The following PLCB3 variants were observed in gnomAD, a reference collection of about 807,000 sequenced individuals.
The protein encoded by PLCB3 is 1-phosphatidylinositol 4,5-bisphosphate phosphodiesterase beta-3.
A neutral mutation model predicts 152.1 loss-of-function variants in PLCB3; 54 were observed. The ratio of observed to expected loss-of-function variants is 0.36; its 90% CI spans 0.29 to 0.45. The LOEUF (loss-of-function observed/expected upper bound fraction) is 0.45, where lower values mean the gene tolerates loss of function less well. Ranked by LOEUF, PLCB3 falls within the 20% of genes least tolerant of loss-of-function variation. The pLI is 1.00. For synonymous variants in PLCB3, 717 were observed against 698.7 expected (o/e 1.03, Z -0.41); for missense variants, 1,248 against 1,687.5 (o/e 0.74, Z 4.56).
downstream of PLCB3, among the ~76,000 whole-genome samples, chr11:64,268,089 T>C (rs999824775): frequency 6.6e-6 from 1 of 151,970 alleles, no homozygotes; most frequent in Non-Finnish European, 1.5e-5. Context: ...TCCGTGGCCT[T>C]CTGCTTGTGC....
Position 64,255,354 on chromosome 11 carries a change from G to A in PLCB3, c.467+41G>A, listed in dbSNP as rs187784703. Reference sequence around the variant, plus strand: ...CCCGAGGGGGAGCCGGGGGGTTCACGTGGCCGTTTTCAGGGTGTGACCTCT... The same window carrying A: ...CCCGAGGGGGAGCCGGGGGGTTCACATGGCCGTTTTCAGGGTGTGACCTCT... On this transcript the variant is annotated intron_variant, in intron 5 of 30. Coordinates refer to ENST00000279230, the MANE Select transcript of PLCB3 (RefSeq NM_000932.5). This position sits in a 1 kb window ranked among gnomAD's most constrained non-coding sequence, Gnocchi z 6.8. 1.2e-5 allele frequency: 19 copies of A among 1,613,706 alleles called. No homozygotes were observed. Among genetic ancestry groups the A allele is most frequent in the African/African-American group, 2.7e-5 (2 of 74,908 alleles).
In PLCB3 at chr11:64,261,584, G is replaced by A. The variant is rs753119736; in HGVS notation, c.1832G>A (p.Arg611Lys). The A allele has an allele frequency of 6.2e-6, 10 of 1,614,074 alleles. No homozygotes were observed. Among genetic ancestry groups the A allele is most frequent in the Non-Finnish European group, 7.6e-6 (9 of 1,180,010 alleles). ...KFKSFEAARK[R>K]NKCFEMSSFV... ...CCTTTCTTGGCTCACCCCTAAGAGA[G>A]GAACAAATGCTTCGAGATGTCGTCC... Residue 611 changes from arginine (R) to lysine (K), a missense_variant, in exon 16 of 31, where the codon AGG becomes AAG. This residue lies in a region of PLCB3 where 244 missense variants were observed against 424.4 expected (regional missense o/e 0.57). Coordinates refer to ENST00000279230, the MANE Select transcript of PLCB3 (RefSeq NM_000932.5).
Position 64,267,186 on chromosome 11 carries a change from T to A in PLCB3, c.3416T>A (p.Leu1139Gln). ...ITESVNSIRR[L>Q]EEAQKQRHDR... ...CTGAGCCCTTGCCCACCCCTGTAGC[T>A]GGAGGAGGCCCAGAAGCAGCGGCAT... is the stretch of plus-strand genomic sequence containing the variant. The change falls in exon 30 of 31, where the codon CTG becomes CAG. Residue 1139 changes from leucine (L) to glutamine (Q), a missense_variant and splice_region_variant. Coordinates refer to ENST00000279230, the MANE Select transcript of PLCB3 (RefSeq NM_000932.5). This position sits in a 1 kb window ranked among gnomAD's most constrained non-coding sequence, Gnocchi z 5.2. 1 of 1,549,946 alleles carries A rather than the reference T, an allele frequency of 6.5e-7. No homozygotes were observed.
At chr11:64,251,966 C>T (rs1170192059) in intron 1 of PLCB3, among the ~76,000 whole-genome samples, 3 of 151,886 alleles carry the variant, frequency 2.0e-5, no homozygotes. Context: ...TGCCTCCACT[C>T]CTTGGCGCAG....
chr11:64,261,359 T>C (rs995540890), intron 14 of PLCB3, 41 bp from the exon 15 acceptor site: 2 of 1,440,784 alleles, frequency 1.4e-6, no homozygotes, highest in Non-Finnish European at 2.0e-6. Flanking sequence ...TGGCCAGCTG[T>C]GGCGGGAATG....
rs746581425 is a variant in PLCB3, at chr11:64,264,983, C to G, written c.2685C>G (p.Thr895=). The G allele has an allele frequency of 3.7e-6, 6 of 1,612,452 alleles. No homozygotes were observed. In the African/African-American group the frequency reaches 6.7e-5, roughly 18 times the overall value. ...CTGGCCAAGAGACGTGCCAGGACAC[C>G]CAGTCTCAGCAGCTGGGGTCTCAGC... The part of the protein sequence containing the change: ...AQAGQETCQD[T]QSQQLGSQPS... The change falls in exon 23 of 31, where the codon ACC becomes ACG. Residue 895 remains threonine (T), a synonymous_variant. Coordinates refer to ENST00000279230, the MANE Select transcript of PLCB3 (RefSeq NM_000932.5).
At chr11:64,262,213 AC>A in intron 17 of PLCB3, 137 bp downstream of exon 17, 1 of 1,357,562 alleles carries the variant, frequency 7.4e-7, no homozygotes, top group Non-Finnish European at 1.0e-6. Context: ...CTCCCGACTC[AC>A]CCCGCCTCCT....
In PLCB3 at chr11:64,266,339, C is replaced by T. The variant is rs780784975; in HGVS notation, c.3291C>T (p.Ile1097=). 6.2e-7 allele frequency: 1 copy of T among 1,613,118 alleles called. No individual in the cohort carries two copies. Among genetic ancestry groups the T allele is most frequent in the Non-Finnish European group, 8.5e-7 (1 of 1,179,774 alleles). The change falls in exon 28 of 31, where the codon ATC becomes ATT. Residue 1097 remains isoleucine, a synonymous_variant. Transcript: ENST00000279230. The surrounding 1 kb of genome is among the most constrained non-coding windows in gnomAD (Gnocchi z 4.9). The stretch of plus-strand genomic sequence containing the variant: ...GGGAGAAGAAGGAGCTGCAGAAGAT[C>T]CTGGACAGAAAGCGCCATAACAGCA... The part of the protein sequence containing the change: ...NEREKKELQK[I]LDRKRHNSIS...
intron 19 of PLCB3, 200 bp from the exon 20 acceptor site, chr11:64,263,298 T>C (rs1474102989): frequency 3.5e-6 from 2 of 565,826 alleles, no homozygotes; most frequent in African/African-American, 1.9e-5. Context: ...CTCAGGGTCC[T>C]GATGGCTGCA....
At position 64,265,237 on chromosome 11, in the gene PLCB3, G is replaced by A. The variant is rs376035305; in HGVS notation, c.2842+10G>A. On this transcript the variant is annotated intron_variant, in intron 24 of 30. Transcript: ENST00000279230. Reference sequence around the variant, plus strand: ...GCCAGCATCCTCTCAGGTAGGGGGCGGGGTACCTGGAGGCAGGGGGCTGCC... The same window carrying A: ...GCCAGCATCCTCTCAGGTAGGGGGCAGGGTACCTGGAGGCAGGGGGCTGCC... The A allele has an allele frequency of 3.5e-5, 56 of 1,596,466 alleles. No individual in the cohort carries two copies. Among genetic ancestry groups the A allele is most frequent in the Non-Finnish European group, 4.2e-5 (49 of 1,170,844 alleles).
intron 22 of PLCB3, 42 bp downstream of exon 22, chr11:64,264,154 G>T: frequency 7.5e-7 from 1 of 1,339,348 alleles, no homozygotes; most frequent in Non-Finnish European, 1.0e-6. Flanking sequence ...CTGTGACCCA[G>T]GGGGCCGCTG....
chr11:64,263,860 G>C (rs2135062158), intron 21 of PLCB3, 65 bp downstream of exon 21: 4 of 1,375,826 alleles, frequency 2.9e-6, no homozygotes, highest in South Asian at 1.2e-5. Flanking sequence ...CACCCCCAGG[G>C]CCTGGGAGTG....
intron 1 of PLCB3, among the ~76,000 whole-genome samples, chr11:64,253,416 G>A (rs902804814): frequency 6.6e-5 from 10 of 152,228 alleles, no homozygotes; most frequent in Admixed American, 2.6e-4. Context: ...AAGATGCTAG[G>A]TGCATAGAAC....
chr11:64,263,218 G>A (rs1201729123), intron 19 of PLCB3, among the ~76,000 whole-genome samples: 5 of 152,206 alleles, frequency 3.3e-5, no homozygotes, highest in African/African-American at 7.2e-5. Context: ...ACTCACTCCC[G>A]TTTCTAAACT....
chr11:64,254,779 G>A lies in PLCB3; in HGVS notation c.209G>A (p.Arg70Lys). ...EVDTLDISSI[R>K]DTRTGRYARL... ...GACACACTGGACATCAGTTCCATCA[G>A]GGACACACGGACAGGCCGGTACGCC... Residue 70 changes from arginine to lysine, a missense_variant, in exon 3 of 31, where the codon AGG becomes AAG. Transcript: ENST00000279230. 6.2e-7 allele frequency: 1 copy of A among 1,613,540 alleles called. No homozygotes were observed. Among genetic ancestry groups the A allele is most frequent in the Non-Finnish European group, 8.5e-7 (1 of 1,179,962 alleles).
In PLCB3 at chr11:64,267,516, G is replaced by A; in HGVS notation, c.3665G>A (p.Gly1222Asp). 6.4e-7 allele frequency: 1 copy of A among 1,568,910 alleles called. No individual in the cohort carries two copies. Among genetic ancestry groups the A allele is most frequent in the Non-Finnish European group, 8.6e-7 (1 of 1,161,472 alleles). Residue 1222 changes from glycine to aspartate, a missense_variant, in exon 31 of 31, where the codon GGC (glycine) becomes GAC (aspartate). Coordinates refer to ENST00000279230, the MANE Select transcript of PLCB3 (RefSeq NM_000932.5). The surrounding 1 kb of genome is among the most constrained non-coding windows in gnomAD (Gnocchi z 5.2). ...HAPGSSGHLSGADSESQEENT... is the reference protein window; with the variant it reads ...HAPGSSGHLSDADSESQEENT... Reference sequence around the variant, plus strand: ...CCCGGGAGCAGCGGGCACCTGTCGGGCGCTGACTCGGAGAGCCAGGAGGAG... The same window carrying A: ...CCCGGGAGCAGCGGGCACCTGTCGGACGCTGACTCGGAGAGCCAGGAGGAG...
chr11:64,267,542 A>G lies in PLCB3; in HGVS notation c.3691A>G (p.Asn1231Asp). 1 of 1,563,070 alleles carries G rather than the reference A, an allele frequency of 6.4e-7. No individual in the cohort carries two copies. Among genetic ancestry groups the G allele is most frequent in the Non-Finnish European group, 8.6e-7 (1 of 1,158,864 alleles). ...CGCTGACTCGGAGAGCCAGGAGGAG[A>G]ACACGCAGCTCTGAACTGGCTGAGC... ...SGADSESQEE[N>D]TQL Residue 1231 changes from asparagine to aspartate, a missense_variant, in exon 31 of 31, where the codon AAC becomes GAC. Asn to Asp is a conservative substitution (Grantham distance 23, BLOSUM62 1). Around this residue, in one of 6 missense-constraint regions of PLCB3, gnomAD observed 477 missense variants for 489.6 expected, o/e 0.97. Transcript: ENST00000279230. This position sits in a 1 kb window ranked among gnomAD's most constrained non-coding sequence, Gnocchi z 5.2.
At chr11:64,263,932 T>C (rs2031982939) in intron 21 of PLCB3, 89 bp from the exon 22 acceptor site, 1 of 1,216,544 alleles carries the variant, frequency 8.2e-7, no homozygotes, top group African/African-American at 1.5e-5. Flanking sequence ...GAGGACAAGC[T>C]CTGGAATTCC....
chr11:64,254,407 G>A lies in PLCB3; in HGVS notation c.100-8G>A. 1.2e-6 allele frequency: 2 copies of A among 1,612,818 alleles called. No individual in the cohort carries two copies. The highest frequency in any genetic ancestry group is 2.2e-5 in the East Asian group (1 of 44,888). Reference sequence around the variant, plus strand: ...TTCCTGACCCCTGCTGCCCTGTGCTGTCCTCAGGAGACCTCCAGTCGGAAC... The same window carrying A: ...TTCCTGACCCCTGCTGCCCTGTGCTATCCTCAGGAGACCTCCAGTCGGAAC... On this transcript the variant is annotated splice_polypyrimidine_tract_variant and splice_region_variant and intron_variant, in intron 1 of 30. Transcript: ENST00000279230.
Sources: allele counts gnomAD v4.1 joint callset (sites outside exome capture counted in the v4.1 genomes callset), GRCh38; gene constraint gnomAD v4.1.1; regional missense constraint gnomAD v4.1.1; non-coding constraint Gnocchi (gnomAD v3.1); transcripts MANE v1.5; gene names NCBI Gene and HGNC (gene_info 2026-07-23, HGNC 2026-07-21).